The following KLHL32 variants were observed in gnomAD, a reference collection of about 807,000 sequenced individuals.
KLHL32 encodes the protein kelch like family member 32.
In KLHL32, 35 loss-of-function variants were observed where a neutral mutation model predicts 64.8. The observed-to-expected ratio is 0.54, with a 90% CI of 0.41 to 0.72. The LOEUF (loss-of-function observed/expected upper bound fraction) is 0.72. KLHL32 is among the 30% of genes least tolerant of loss of function. The probability of loss-of-function intolerance (pLI) is 0.00; values close to 1 mark genes in which losing one functional copy is unlikely to be tolerated. For missense variants in KLHL32, 589 were observed against 768.5 expected, an observed-to-expected ratio of 0.77 and a Z score of 2.76; for synonymous variants, 259 against 281.0, an observed-to-expected ratio of 0.92 and a Z score of 0.78.
chr6:96,967,011 A>AT lies in KLHL32; in HGVS notation c.-48dup, dbSNP rs748811634. 38 of 1,578,460 alleles carry AT rather than the reference A, an allele frequency of 2.4e-5. No homozygotes were observed. The highest frequency in any genetic ancestry group is 3.1e-5 in the Non-Finnish European group (36 of 1,148,294). ...TTTTATTCAGCTGGAATGCTTGCTGATTCCTCTGCACACTTCTAAGGCTGA... is the reference window on the plus strand; with the variant it reads ...TTTTATTCAGCTGGAATGCTTGCTGATTTCCTCTGCACACTTCTAAGGCTGA... On this transcript the variant is annotated 5_prime_UTR_variant, in exon 2 of 11. The change abolishes the stop of an existing upstream ORF in the 5' untranslated region. Transcript: ENST00000369261.
Position 97,025,405 on chromosome 6 carries a change from A to G in KLHL32, c.205-16087A>G, listed in dbSNP as rs141982180. Among the ~76,000 whole-genome samples, 455 of 152,360 alleles carry G rather than the reference A, an allele frequency of 3.0e-3. 3 individuals carry two copies. Among genetic ancestry groups the G allele is most frequent in the Middle Eastern group, 0.01 (3 of 294 alleles). ...GAGAGATTTTCATATCAAATCATTC[A>G]TATCACTTTATAATCACAATACAAG... On this transcript the variant is annotated intron_variant, in intron 3 of 10. Transcript: ENST00000369261.
At chr6:96,900,484 T>C in the KLHL32 span, among the ~76,000 whole-genome samples, 1 of 152,234 alleles carries the variant, frequency 6.6e-6, no homozygotes, top group African/African-American at 2.4e-5. Flanking sequence ...ATTAACGTGC[T>C]CAGCACACGT....
At chr6:96,951,023 C>T (rs763135637) in intron 1 of KLHL32, among the ~76,000 whole-genome samples, 1 of 152,104 alleles carries the variant, frequency 6.6e-6, no homozygotes, top group African/African-American at 2.4e-5. Context: ...TCTCACAAAA[C>T]GTGTAATTCT....
intron 5 of KLHL32, among the ~76,000 whole-genome samples, chr6:97,070,263 C>A (rs186037002): frequency 3.0e-4 from 45 of 152,034 alleles, no homozygotes; most frequent in Admixed American, 9.2e-4. Flanking sequence ...TTTTAATCAG[C>A]GAAAATGATC....
Position 96,976,166 on chromosome 6 carries a change from G to A in KLHL32, c.193G>A (p.Asp65Asn). Residue 65 changes from aspartate (D) to asparagine (N), a missense_variant, in exon 3 of 11, where the codon GAC (aspartate) becomes AAC (asparagine). By Grantham distance (23) the Asp-to-Asn change is conservative. Around this residue, in one of 3 missense-constraint regions of KLHL32, gnomAD observed 191 missense variants for 223.3 expected, o/e 0.86. Coordinates refer to ENST00000369261, the MANE Select transcript of KLHL32 (RefSeq NM_052904.4). ...AHKAVLAACS[D>N]YFRAMFSLCM... ...CAAGGCAGTCCTAGCAGCATGCAGTGACTATTTCCGGGTAAGTCAGCATTG... is the reference window on the plus strand; with the variant it reads ...CAAGGCAGTCCTAGCAGCATGCAGTAACTATTTCCGGGTAAGTCAGCATTG... The A allele has an allele frequency of 6.4e-7, 1 of 1,559,588 alleles. No individual in the cohort carries two copies. Among genetic ancestry groups the A allele is most frequent in the South Asian group, 1.2e-5 (1 of 85,200 alleles).
intron 3 of KLHL32, among the ~76,000 whole-genome samples, chr6:97,032,074 T>C (rs1378245555): frequency 6.6e-6 from 1 of 152,212 alleles, no homozygotes; most frequent in Non-Finnish European, 1.5e-5. Context: ...TCAGAGAAGG[T>C]AACAAATTAG....
At chr6:96,989,034 G>A (rs7754874) in intron 3 of KLHL32, among the ~76,000 whole-genome samples, 67,860 of 151,942 alleles carry the variant, frequency 0.45, 15,468 homozygotes, top group South Asian at 0.54. Context: ...CAGCACACCA[G>A]CATGGCACAT....
chr6:97,031,213 G>T (rs1216070470), intron 3 of KLHL32, among the ~76,000 whole-genome samples: 1 of 152,156 alleles, frequency 6.6e-6, no homozygotes, highest in Admixed American at 6.5e-5. Flanking sequence ...ATCCAATGAG[G>T]CTCTTCCTAA....
At chr6:97,090,260 A>G (rs1480325951) in intron 6 of KLHL32, among the ~76,000 whole-genome samples, 1 of 152,206 alleles carries the variant, frequency 6.6e-6, no homozygotes, top group Non-Finnish European at 1.5e-5. Flanking sequence ...GAAAATTGAT[A>G]TAGAAAATGA....
At chr6:97,077,308 A>C (rs1791750580) in intron 5 of KLHL32, among the ~76,000 whole-genome samples, 1 of 152,220 alleles carries the variant, frequency 6.6e-6, no homozygotes, top group South Asian at 2.1e-4. Context: ...TCTTTCACAA[A>C]TAATAATCAT....
the KLHL32 span, among the ~76,000 whole-genome samples, chr6:96,919,495 T>A: frequency 6.6e-6 from 1 of 152,236 alleles, no homozygotes; most frequent in African/African-American, 2.4e-5. Context: ...TGTTTTTGAA[T>A]CTTCTACTTC....
chr6:96,960,807 G>A (rs978503003), intron 1 of KLHL32, among the ~76,000 whole-genome samples: 3 of 152,176 alleles, frequency 2.0e-5, no homozygotes, highest in Non-Finnish European at 4.4e-5. Flanking sequence ...AGCTGGAAGC[G>A]GGGGCTTCTG....
intron 2 of KLHL32, among the ~76,000 whole-genome samples, chr6:96,974,872 G>A (rs955605385): frequency 6.6e-6 from 1 of 152,154 alleles, no homozygotes; most frequent in African/African-American, 2.4e-5. Context: ...TACCAACATG[G>A]GAGAGACACA....
chr6:96,967,618 A>G (rs1228347655), intron 2 of KLHL32, among the ~76,000 whole-genome samples: 1 of 152,156 alleles, frequency 6.6e-6, no homozygotes, highest in East Asian at 1.9e-4. Context: ...TTTAATAGAT[A>G]TTAATTAAGC....
At chr6:97,138,673 T>G (rs975801610) in intron 10 of KLHL32, among the ~76,000 whole-genome samples, 3 of 152,198 alleles carry the variant, frequency 2.0e-5, no homozygotes, top group Non-Finnish European at 4.4e-5. Context: ...CTGTGTTATA[T>G]TCCACTACCT....
chr6:96,909,962 G>T, the KLHL32 span, among the ~76,000 whole-genome samples: 1 of 152,196 alleles, frequency 6.6e-6, no homozygotes, highest in Admixed American at 6.5e-5. Context: ...ACATGTGACA[G>T]GTGGGAAAGG....
intron 5 of KLHL32, among the ~76,000 whole-genome samples, chr6:97,073,736 G>GA (rs200772875): frequency 6.6e-6 from 1 of 151,778 alleles, no homozygotes; most frequent in Non-Finnish European, 1.5e-5. Flanking sequence ...TTATTTAAAA[G>GA]AAAAAAAATC....
intron 3 of KLHL32, among the ~76,000 whole-genome samples, chr6:96,992,138 GC>G (rs1278756542): frequency 6.6e-6 from 1 of 152,216 alleles, no homozygotes; most frequent in African/African-American, 2.4e-5. Context: ...CTGTGGATTT[GC>G]CCCCATCCTG....
At chr6:97,012,993 T>G (rs1408837083) in intron 3 of KLHL32, among the ~76,000 whole-genome samples, 1 of 152,204 alleles carries the variant, frequency 6.6e-6, no homozygotes, top group Non-Finnish European at 1.5e-5. Flanking sequence ...ATAATAGAGA[T>G]CTCTGTGCCT....
Sources: gnomAD v4.1 joint callset for allele counts (sites outside exome capture counted in the v4.1 genomes callset) on GRCh38, gnomAD v4.1.1 for gene constraint, gnomAD v4.1.1 regional missense constraint, MANE v1.5 for transcripts, NCBI Gene and HGNC (gene_info 2026-07-23, HGNC 2026-07-21) for gene names.